GALNT11: variants seen among roughly 807,000 people sequenced by gnomAD.
The protein encoded by GALNT11 is polypeptide N-acetylgalactosaminyltransferase 11.
In GALNT11, 47 loss-of-function variants were observed where a neutral mutation model predicts 72.7. The ratio of observed to expected loss-of-function variants is 0.65; its 90% CI spans 0.51 to 0.82. The LOEUF (loss-of-function observed/expected upper bound fraction) is 0.82. Among genes scored for constraint, GALNT11 ranks in the 40% least tolerant of loss-of-function variants. The probability of loss-of-function intolerance (pLI) is 0.00; values close to 1 mark genes in which losing one functional copy is unlikely to be tolerated. For missense variants in GALNT11, 677 were observed against 778.4 expected, an observed-to-expected ratio of 0.87 and a Z score of 1.55; for synonymous variants, 270 against 286.6, an observed-to-expected ratio of 0.94 and a Z score of 0.58.
chr7:152,099,530 GTTTT>G (rs1009548038), intron 2 of GALNT11, among the ~76,000 whole-genome samples: 1 of 57,790 alleles, frequency 1.7e-5, no homozygotes, highest in Non-Finnish European at 3.2e-5. Flanking sequence ...CTCCCGCCTA[GTTTT>G]TTTTTTTTTT....
chr7:152,057,077 G>C (rs2083725643), intron 1 of GALNT11, among the ~76,000 whole-genome samples: 1 of 136,356 alleles, frequency 7.3e-6, no homozygotes, highest in Non-Finnish European at 1.5e-5. Context: ...GGCCAGTCTT[G>C]AATTCCTGGG....
At chr7:152,030,723 ACT>A (rs766713143) in intron 1 of GALNT11, among the ~76,000 whole-genome samples, 1 of 136,412 alleles carries the variant, frequency 7.3e-6, no homozygotes, top group African/African-American at 2.7e-5. Context: ...TCTCTCTCTG[ACT>A]CTCTCTTTGT....
chr7:152,106,627 AG>A (rs2087586584), intron 5 of GALNT11, among the ~76,000 whole-genome samples: 1 of 152,242 alleles, frequency 6.6e-6, no homozygotes, highest in South Asian at 2.1e-4. Flanking sequence ...TTCAATATTA[AG>A]CCACTCAAAA....
intron 1 of GALNT11, chr7:152,079,380 A>C (rs2085180979): frequency 6.6e-6 from 1 of 152,220 alleles, no homozygotes. Context: ...TCACTGGCTC[A>C]TCAGCTGTCC....
intron 1 of GALNT11, among the ~76,000 whole-genome samples, chr7:152,075,571 G>C (rs1587184937): frequency 6.6e-6 from 1 of 152,222 alleles, no homozygotes; most frequent in African/African-American, 2.4e-5. Context: ...GGAGGCCAAG[G>C]CAAGGCTGGC....
rs755534019 is a variant in GALNT11, at chr7:152,105,282, A to G, written c.624A>G (p.Lys208=). 1.2e-6 allele frequency: 2 copies of G among 1,614,008 alleles called. No individual in the cohort carries two copies. Among genetic ancestry groups the G allele is most frequent in the South Asian group, 1.1e-5 (1 of 91,002 alleles). The change falls in exon 5 of 12, where the codon AAA becomes AAG. Residue 208 remains lysine (K), a synonymous_variant. Transcript: ENST00000430044. Reference sequence around the variant, plus strand: ...GAGAACTAGATGAATATGTCCAAAAATACCTCCCTGGAAAAATTAAAGTCA... The same window carrying G: ...GAGAACTAGATGAATATGTCCAAAAGTACCTCCCTGGAAAAATTAAAGTCA... ...LKGELDEYVQ[K]YLPGKIKVIR...
Position 152,110,507 on chromosome 7 carries a change from CA to C in GALNT11, c.963-20del. ...GATAACTGACTATAAGGAATGAGTA[CA>C]GTAATTTTCCTTTTTCTAGGTCACC... On this transcript the variant is annotated intron_variant, in intron 6 of 11. Coordinates refer to ENST00000430044, the MANE Select transcript of GALNT11 (RefSeq NM_022087.4). 6.4e-7 allele frequency: 1 copy of C among 1,551,120 alleles called. No homozygotes were observed. The highest frequency in any genetic ancestry group is 8.9e-7 in the Non-Finnish European group (1 of 1,125,642).
intron 2 of GALNT11, among the ~76,000 whole-genome samples, chr7:152,097,440 G>A (rs1005134702): frequency 2.0e-5 from 3 of 152,166 alleles, no homozygotes; most frequent in African/African-American, 7.2e-5. Context: ...AGACAGTTTG[G>A]CAGTTCCTCC....
intron 1 of GALNT11, among the ~76,000 whole-genome samples, chr7:152,091,805 A>G (rs1016656691): frequency 5.3e-5 from 8 of 152,192 alleles, no homozygotes; most frequent in African/African-American, 1.7e-4. Flanking sequence ...ACACTAACCA[A>G]GACATTTGGA....
chr7:152,099,548 T>TG (rs2086656644), intron 2 of GALNT11, among the ~76,000 whole-genome samples: 1 of 134,222 alleles, frequency 7.5e-6, no homozygotes, highest in African/African-American at 2.9e-5. Flanking sequence ...TTTTTTTTTT[T>TG]TTTTTTTTTT....
intron 1 of GALNT11, among the ~76,000 whole-genome samples, chr7:152,032,965 G>A (rs1198899143): frequency 1.3e-5 from 2 of 152,206 alleles, no homozygotes; most frequent in African/African-American, 4.8e-5. Flanking sequence ...TGGACCTTGA[G>A]GACAGTCGTC....
At chr7:152,028,128 T>C (rs2082122063) in intron 1 of GALNT11, among the ~76,000 whole-genome samples, 1 of 152,278 alleles carries the variant, frequency 6.6e-6, no homozygotes, top group East Asian at 1.9e-4. Flanking sequence ...TTGCAAAGAA[T>C]GAAAGAGCAA....
At chr7:152,073,526 T>G (rs58932599) in intron 1 of GALNT11, among the ~76,000 whole-genome samples, 1 of 152,356 alleles carries the variant, frequency 6.6e-6, no homozygotes, top group South Asian at 2.1e-4. Flanking sequence ...TATTCCACAT[T>G]TTCTTTATCT....
chr7:152,077,736 T>A (rs961193022), intron 1 of GALNT11, among the ~76,000 whole-genome samples: 1 of 152,054 alleles, frequency 6.6e-6, no homozygotes, highest in Non-Finnish European at 1.5e-5. Context: ...ATTTTTCAAA[T>A]AGTGTCCACC....
intron 1 of GALNT11, among the ~76,000 whole-genome samples, chr7:152,079,070 C>T (rs1221108469): frequency 6.6e-6 from 1 of 152,150 alleles, no homozygotes; most frequent in Non-Finnish European, 1.5e-5. Flanking sequence ...AGGATGCAAG[C>T]GAAAACCCTT....
At chr7:152,068,963 C>T (rs2084471381) in intron 1 of GALNT11, among the ~76,000 whole-genome samples, 1 of 152,108 alleles carries the variant, frequency 6.6e-6, no homozygotes, top group Non-Finnish European at 1.5e-5. Flanking sequence ...TTCCCACAAG[C>T]ACATGAAAAC....
intron 4 of GALNT11, chr7:152,103,539 T>G (rs1219555215): frequency 2.7e-6 from 1 of 370,128 alleles, no homozygotes; most frequent in Non-Finnish European, 5.1e-6. Flanking sequence ...TTGAAATAAC[T>G]GTAGGTTCAC....
At position 152,117,233 on chromosome 7, in the gene GALNT11, A is replaced by G; in HGVS notation, c.1310A>G (p.Lys437Arg). ...ATCAGTGAGCGTGTGGAACTGAGAA[A>G]GAAGTTGGGCTGTAAATCATTTAAA... ...GNISERVELR[K>R]KLGCKSFKWY... The change falls in exon 9 of 12, where the codon AAG (lysine) becomes AGG (arginine). Residue 437 changes from lysine to arginine, a missense_variant. Transcript: ENST00000430044. 6.2e-7 allele frequency: 1 copy of G among 1,614,186 alleles called. No homozygotes were observed. Among genetic ancestry groups the G allele is most frequent in the Non-Finnish European group, 8.5e-7 (1 of 1,180,028 alleles).
At position 152,105,176 on chromosome 7, in the gene GALNT11, T is replaced by C. The variant is rs1488229199; in HGVS notation, c.587-69T>C. Reference sequence around the variant, plus strand: ...TTTTAGCAAGTACTAGATACAACTTTAGAATAGCTGTAAAGTGTCTTTATA... The same window carrying C: ...TTTTAGCAAGTACTAGATACAACTTCAGAATAGCTGTAAAGTGTCTTTATA... On this transcript the variant is annotated intron_variant, in intron 4 of 11. Coordinates refer to ENST00000430044, the MANE Select transcript of GALNT11 (RefSeq NM_022087.4). 3.6e-5 allele frequency: 54 copies of C among 1,515,344 alleles called. No individual in the cohort carries two copies. The Admixed American group carries it at 7.4e-4, about 21-fold the overall frequency. 93.9% of individuals were successfully genotyped at this position (1,515,344 alleles called of 1,614,324 possible).
Sources: allele counts gnomAD v4.1 joint callset (sites outside exome capture counted in the v4.1 genomes callset), GRCh38; gene constraint gnomAD v4.1.1; transcripts MANE v1.5; gene names NCBI Gene and HGNC (gene_info 2026-07-23, HGNC 2026-07-21).